BCAS3: variants seen among roughly 807,000 people sequenced by gnomAD.
BCAS3 encodes BCAS3 microtubule associated cell migration factor.
BCAS3 carries 53 observed loss-of-function variants against 116.1 expected under a neutral mutation model. The ratio of observed to expected loss-of-function variants is 0.46; its 90% CI spans 0.37 to 0.57. The LOEUF is 0.57. Among genes scored for constraint, BCAS3 ranks in the 20% least tolerant of loss-of-function variants. BCAS3 has a pLI of 0.00. For missense variants in BCAS3, 917 were observed against 1,165.4 expected, an observed-to-expected ratio of 0.79 and a Z score of 3.10; for synonymous variants, 391 against 408.2, an observed-to-expected ratio of 0.96 and a Z score of 0.51.
At chr17:60,756,452 T>C (rs2042996206) in intron 6 of BCAS3, among the ~76,000 whole-genome samples, 1 of 152,210 alleles carries the variant, frequency 6.6e-6, no homozygotes, top group Non-Finnish European at 1.5e-5. Flanking sequence ...CAGGCTCTGG[T>C]ATGTATCATC....
Position 61,230,291 on chromosome 17 carries a change from G to A in BCAS3, c.2426-138036G>A, listed in dbSNP as rs538403359. 9.0e-4 allele frequency among the ~76,000 whole-genome samples: 136 copies of A among 151,866 alleles called. 1 individual carries two copies. The highest frequency in any genetic ancestry group is 3.2e-3 in the African/African-American group (133 of 41,396). ...ACAGCTCTCCGTGGTCCACCATTAT[G>A]TACCCCCCAGAAACACTACAATAAC... On this transcript the variant is annotated intron_variant, in intron 22 of 23. Transcript: ENST00000407086.
chr17:61,319,963 T>A (rs772288745), intron 22 of BCAS3, among the ~76,000 whole-genome samples: 1 of 151,306 alleles, frequency 6.6e-6, no homozygotes, highest in Non-Finnish European at 1.5e-5. Context: ...CAGTCTCGGC[T>A]CACTGCAACC....
At chr17:61,022,476 C>G (rs2065945986) in intron 16 of BCAS3, among the ~76,000 whole-genome samples, 1 of 152,078 alleles carries the variant, frequency 6.6e-6, no homozygotes, top group East Asian at 1.9e-4. Context: ...ATTCTCTTGA[C>G]CTCGTGATCC....
rs749042670 is a variant in BCAS3, at chr17:61,381,605, C to T, written c.2594-10372C>T. Among the ~76,000 whole-genome samples the T allele has an allele frequency of 1.3e-5, 2 of 152,270 alleles. No individual in the cohort carries two copies. The highest frequency in any genetic ancestry group is 2.1e-4 in the South Asian group (1 of 4,814). Reference sequence around the variant, plus strand: ...AAGGCTACCAGACGCTAAATGCCACCGAGAAGTTAAATCTATTACTAAACT... The same window carrying T: ...AAGGCTACCAGACGCTAAATGCCACTGAGAAGTTAAATCTATTACTAAACT... On this transcript the variant is annotated intron_variant, in intron 23 of 23. Transcript: ENST00000407086. This position sits in a 1 kb window ranked among gnomAD's most constrained non-coding sequence, Gnocchi z 6.0.
At chr17:61,116,541 AG>A (rs1270198971) in intron 22 of BCAS3, among the ~76,000 whole-genome samples, 1 of 152,230 alleles carries the variant, frequency 6.6e-6, no homozygotes, top group Non-Finnish European at 1.5e-5. Flanking sequence ...TAGGAGGAGA[AG>A]AAAAGCTTAT....
In BCAS3 at chr17:61,141,553, G is replaced by C. The variant is rs1414942173; in HGVS notation, c.2425+56989G>C. On this transcript the variant is annotated intron_variant, in intron 22 of 23. Coordinates refer to ENST00000407086, the MANE Select transcript of BCAS3 (RefSeq NM_017679.5). The surrounding 1 kb of genome is among the most constrained non-coding windows in gnomAD (Gnocchi z 4.3). ...AGCCTGGGCGGCAGAGCGAGACCCTGTCTCAAAAAATAAAATAAAAGTTGA... is the reference window on the plus strand; with the variant it reads ...AGCCTGGGCGGCAGAGCGAGACCCTCTCTCAAAAAATAAAATAAAAGTTGA... 6.6e-6 allele frequency among the ~76,000 whole-genome samples: 1 copy of C among 150,704 alleles called. No homozygotes were observed. The highest frequency in any genetic ancestry group is 1.5e-5 in the Non-Finnish European group (1 of 67,646).
rs11655163 is a variant in BCAS3, at chr17:61,259,459, G to A, written c.2426-108868G>A. Among the ~76,000 whole-genome samples the A allele has an allele frequency of 0.49, 74,556 of 151,952 alleles. 21,098 individuals carry two copies. Among genetic ancestry groups the A allele is most frequent in the East Asian group, 0.8 (4,115 of 5,162 alleles). ...CCTGTCCATAGGGGTTGAGAACATC[G>A]TTGGATGATATGTTTAATGCTGCAG... On this transcript the variant is annotated intron_variant, in intron 22 of 23. Coordinates refer to ENST00000407086, the MANE Select transcript of BCAS3 (RefSeq NM_017679.5). The surrounding 1 kb of genome is among the most constrained non-coding windows in gnomAD (Gnocchi z 4.7).
chr17:60,777,353 G>T (rs929577486), intron 6 of BCAS3, among the ~76,000 whole-genome samples: 1 of 152,288 alleles, frequency 6.6e-6, no homozygotes, highest in South Asian at 2.1e-4. Context: ...GGCCCAGCGT[G>T]GTGCCTCATG....
intron 6 of BCAS3, among the ~76,000 whole-genome samples, chr17:60,789,773 A>G (rs1448233787): frequency 6.6e-6 from 1 of 152,196 alleles, no homozygotes; most frequent in Admixed American, 6.5e-5. Context: ...TCCATTAGGC[A>G]TCATGAAGAA....
intron 22 of BCAS3, among the ~76,000 whole-genome samples, chr17:61,192,246 C>CAAAGAAAAAAAAAAAAAAAAAAAAAA: frequency 1.4e-5 from 1 of 70,678 alleles, no homozygotes; most frequent in Non-Finnish European, 2.8e-5. Context: ...GCTCTGTTAC[C>CAAAGAAAAAAAAAAAAAAAAAAAAAA]AAAAAAAAAA....
intron 7 of BCAS3, among the ~76,000 whole-genome samples, chr17:60,836,082 C>G (rs1004032242): frequency 5.9e-5 from 9 of 152,002 alleles, no homozygotes; most frequent in African/African-American, 2.2e-4. Flanking sequence ...CAGAAAGTTC[C>G]CACATATCTC....
At chr17:61,221,049 G>A (rs1156812299) in intron 22 of BCAS3, among the ~76,000 whole-genome samples, 2 of 152,166 alleles carry the variant, frequency 1.3e-5, no homozygotes, top group African/African-American at 4.8e-5. Context: ...GCAGTGAGCC[G>A]AGATCGCACC....
At chr17:61,167,902 C>G (rs2078612230) in intron 22 of BCAS3, among the ~76,000 whole-genome samples, 1 of 152,154 alleles carries the variant, frequency 6.6e-6, no homozygotes, top group Admixed American at 6.5e-5. Context: ...GTTCCCCATG[C>G]CTACTTTTCA....
intron 10 of BCAS3, among the ~76,000 whole-genome samples, chr17:60,896,997 T>C (rs2057556607): frequency 6.6e-6 from 1 of 152,202 alleles, no homozygotes; most frequent in South Asian, 2.1e-4. Context: ...GTCTTTGCTT[T>C]ACCAGTGAGT....
chr17:60,905,912 C>G (rs548222959), intron 11 of BCAS3, among the ~76,000 whole-genome samples: 2 of 152,234 alleles, frequency 1.3e-5, no homozygotes, highest in Admixed American at 1.3e-4. Flanking sequence ...GGCTATCCCA[C>G]CATAATCTTT....
Position 61,254,885 on chromosome 17 carries a change from A to G in BCAS3, c.2426-113442A>G, listed in dbSNP as rs565800562. Reference sequence around the variant, plus strand: ...CCTGACCAAGAACAATACAATAACAACAAAACCATTACCTGGAAAAACCAA... The same window carrying G: ...CCTGACCAAGAACAATACAATAACAGCAAAACCATTACCTGGAAAAACCAA... On this transcript the variant is annotated intron_variant, in intron 22 of 23. Transcript: ENST00000407086. Among the ~76,000 whole-genome samples, 9 of 152,226 alleles carry G rather than the reference A, an allele frequency of 5.9e-5. No individual in the cohort carries two copies. The East Asian group carries it at 1.7e-3, about 29-fold the overall frequency.
rs183458094 is a variant in BCAS3 at position 61,161,870 on chromosome 17, T to C, written c.2425+77306T>C. Among the ~76,000 whole-genome samples the C allele has an allele frequency of 8.9e-4, 135 of 152,308 alleles. 1 individual carries two copies. The highest frequency in any genetic ancestry group is 2.0e-3 in the Admixed American group (30 of 15,302). The stretch of plus-strand genomic sequence containing the variant: ...CCTTCTCTGGCCTTTATAAACATGA[T>C]TGCTGGACAAAGATGAGCAGCACGG... On this transcript the variant is annotated intron_variant, in intron 22 of 23. Coordinates refer to ENST00000407086, the MANE Select transcript of BCAS3 (RefSeq NM_017679.5). The surrounding 1 kb of genome is among the most constrained non-coding windows in gnomAD (Gnocchi z 4.8).
intron 15 of BCAS3, among the ~76,000 whole-genome samples, chr17:61,005,581 C>T (rs975453951): frequency 3.9e-5 from 6 of 151,914 alleles, no homozygotes; most frequent in South Asian, 2.1e-4. Flanking sequence ...TCATGACCTG[C>T]GTCATGATGC....
chr17:61,131,404 G>A lies in BCAS3; in HGVS notation c.2425+46840G>A, dbSNP rs2076334639. The stretch of plus-strand genomic sequence containing the variant: ...TGTTCCTCTGCCTTGGGCTTATTAA[G>A]TTTTGAATTAGGTATGAAAATTATT... On this transcript the variant is annotated intron_variant, in intron 22 of 23. Coordinates refer to ENST00000407086, the MANE Select transcript of BCAS3 (RefSeq NM_017679.5). This position sits in a 1 kb window ranked among gnomAD's most constrained non-coding sequence, Gnocchi z 4.4. Among the ~76,000 whole-genome samples, 1 of 152,026 alleles carries A rather than the reference G, an allele frequency of 6.6e-6. No homozygotes were observed. Among genetic ancestry groups the A allele is most frequent in the African/African-American group, 2.4e-5 (1 of 41,376 alleles).
Sources: allele counts gnomAD v4.1 joint callset (sites outside exome capture counted in the v4.1 genomes callset), GRCh38; gene constraint gnomAD v4.1.1; non-coding constraint Gnocchi (gnomAD v3.1); transcripts MANE v1.5; gene names NCBI Gene and HGNC (gene_info 2026-07-23, HGNC 2026-07-21).